Variants in KIAA1614 observed in about 807,000 individuals in gnomAD.
KIAA1614 encodes the protein KIAA1614.
A neutral mutation model predicts 88.7 loss-of-function variants in KIAA1614; 76 were observed. The observed-to-expected ratio is 0.86, with a 90% CI of 0.71 to 1.04. KIAA1614 has a LOEUF of 1.04. Ranked by LOEUF, KIAA1614 falls within the 50% of genes least tolerant of loss-of-function variation. The pLI is 0.00. For synonymous variants in KIAA1614, 714 were observed against 675.5 expected, an observed-to-expected ratio of 1.06 and a Z score of -0.88; for missense variants, 1,553 against 1,582.5, an observed-to-expected ratio of 0.98 and a Z score of 0.32.
rs77981586 is a variant in KIAA1614 at position 180,916,927 on chromosome 1, G to A, written c.824G>A (p.Arg275His). The A allele has an allele frequency of 8.8e-4, 1,413 of 1,614,216 alleles. 14 individuals are homozygous for A. The East Asian group carries it at 0.023, about 27-fold the overall frequency. ...FVPRTALLGERWRAGDLEALG... is the reference protein window; with the variant it reads ...FVPRTALLGEHWRAGDLEALG... ...CCCAGGACGGCCCTGCTGGGTGAGC[G>A]CTGGAGAGCTGGAGACCTGGAGGCT... Residue 275 changes from arginine (R) to histidine (H), a missense_variant, in exon 2 of 9, where the codon CGC becomes CAC. By Grantham distance (29) the Arg-to-His change is conservative (BLOSUM62 0). Transcript: ENST00000367588.
rs558964232 is a variant in KIAA1614, at chr1:180,930,283, G to A, written c.1205+1710G>A. On this transcript the variant is annotated intron_variant, in intron 4 of 8. Transcript: ENST00000367588. ...AGATACAAAAAATTAGCTGGGCGTGGTGGCGGGCACCTGTAGTCCCAGCTA... is the reference window on the plus strand; with the variant it reads ...AGATACAAAAAATTAGCTGGGCGTGATGGCGGGCACCTGTAGTCCCAGCTA... 4.2e-3 allele frequency among the ~76,000 whole-genome samples: 638 copies of A among 152,238 alleles called. 5 individuals carry two copies. Among genetic ancestry groups the A allele is most frequent in the African/African-American group, 0.013 (554 of 41,530 alleles).
intron 3 of KIAA1614, among the ~76,000 whole-genome samples, chr1:180,920,630 G>A (rs1007713950): frequency 4.6e-5 from 7 of 150,618 alleles, no homozygotes; most frequent in Non-Finnish European, 8.9e-5. Flanking sequence ...GTCCGTAATG[G>A]TTACTGCTCT....
Position 180,941,244 on chromosome 1 carries a change from A to G in KIAA1614, c.3118A>G (p.Thr1040Ala). The G allele has an allele frequency of 1.2e-6, 2 of 1,613,678 alleles. No individual in the cohort carries two copies. Among genetic ancestry groups the G allele is most frequent in the Non-Finnish European group, 8.5e-7 (1 of 1,179,958 alleles). ...GTTGCAGCCCGCCCCGCCTGGCCTGACGTCACAGTCCAGGGCCCCATCGTT... is the reference window on the plus strand; with the variant it reads ...GTTGCAGCCCGCCCCGCCTGGCCTGGCGTCACAGTCCAGGGCCCCATCGTT... ...EQLQPAPPGLTSQSRAPSLQS... is the reference protein window; with the variant it reads ...EQLQPAPPGLASQSRAPSLQS... Residue 1040 changes from threonine (T) to alanine (A), a missense_variant, in exon 7 of 9, where the codon ACG (threonine) becomes GCG (alanine). Transcript: ENST00000367588.
chr1:180,944,332 C>T, intron 7 of KIAA1614, 57 bp from the exon 8 acceptor site: 1 of 1,590,900 alleles, frequency 6.3e-7, no homozygotes, highest in Non-Finnish European at 8.6e-7. Context: ...GCCAAGTCCT[C>T]TGTCAGCACC....
rs1303704892 is a variant in KIAA1614, at chr1:180,935,045, T to G, written c.1206-70T>G. ...AGACTGTAGCCCAGGGTGGAGAGGGTAGGGCCGATGCGTGTCCATACCTCC... is the reference window on the plus strand; with the variant it reads ...AGACTGTAGCCCAGGGTGGAGAGGGGAGGGCCGATGCGTGTCCATACCTCC... On this transcript the variant is annotated intron_variant, in intron 4 of 8. Coordinates refer to ENST00000367588, the MANE Select transcript of KIAA1614 (RefSeq NM_020950.2). This position sits in a 1 kb window ranked among gnomAD's most constrained non-coding sequence, Gnocchi z 6.1. 9.0e-7 allele frequency: 1 copy of G among 1,116,530 alleles called. No individual in the cohort carries two copies. The highest frequency in any genetic ancestry group is 4.1e-5 in the Admixed American group (1 of 24,468). The allele number at this position is 1,116,530 out of a possible 1,614,324, so 69.2% of individuals were successfully genotyped here. A position where few individuals can be genotyped will look rare whatever the true frequency, so the allele number is the denominator to read the frequency against.
Position 180,936,016 on chromosome 1 carries a change from T to C in KIAA1614, c.2107T>C (p.Leu703=), listed in dbSNP as rs773342548. The C allele has an allele frequency of 1.2e-6, 2 of 1,614,010 alleles. No individual in the cohort carries two copies. Among genetic ancestry groups the C allele is most frequent in the Admixed American group, 3.3e-5 (2 of 60,026 alleles). ...ACACACGCCTGAAGGAACTCTATTT[T>C]TGAGAGAAGATGCCAAGCCTCCTGA... ...RGHTPEGTLF[L]REDAKPPDLE... is the part of the protein sequence containing the mutation. The change falls in exon 5 of 9, where the codon TTG becomes CTG. Residue 703 remains leucine, a synonymous_variant. Coordinates refer to ENST00000367588, the MANE Select transcript of KIAA1614 (RefSeq NM_020950.2).
At position 180,935,383 on chromosome 1, in the gene KIAA1614, C is replaced by G. The variant is rs1245501376; in HGVS notation, c.1474C>G (p.Pro492Ala). The change falls in exon 5 of 9, where the codon CCC becomes GCC. Residue 492 changes from proline to alanine, a missense_variant. Transcript: ENST00000367588. The surrounding 1 kb of genome is among the most constrained non-coding windows in gnomAD (Gnocchi z 6.1). ...AADQGPLRSK[P>A]DLADYINGAP... ...GGACCAGGGCCCCCTGCGCTCCAAG[C>G]CCGACCTCGCCGACTACATCAACGG... 2.6e-5 allele frequency: 38 copies of G among 1,468,166 alleles called. No homozygotes were observed. Among genetic ancestry groups the G allele is most frequent in the Non-Finnish European group, 3.3e-5 (37 of 1,116,274 alleles). The allele number at this position is 1,468,166 out of a possible 1,614,324, so 90.9% of individuals were successfully genotyped here. A position where few individuals can be genotyped will look rare whatever the true frequency, so the allele number is the denominator to read the frequency against.
At chr1:180,944,287 T>C (rs1454384292) in intron 7 of KIAA1614, 102 bp from the exon 8 acceptor site, 2 of 1,187,018 alleles carry the variant, frequency 1.7e-6, no homozygotes, top group Non-Finnish European at 2.4e-6. Flanking sequence ...GCTTGTGCTG[T>C]CACTTTCTTA....
chr1:180,950,659 T>C lies in KIAA1614; in HGVS notation c.*5071T>C. On this transcript the variant is annotated 3_prime_UTR_variant, in exon 9 of 9. Transcript: ENST00000367588. The stretch of plus-strand genomic sequence containing the variant: ...ACAGATCCTGGCAGCATCTAACCCC[T>C]TGGGCTGTGGCAGGGCTTCTGTGGT... 5.2e-6 allele frequency: 2 copies of C among 383,734 alleles called. No individual in the cohort carries two copies. The highest frequency in any genetic ancestry group is 7.2e-6 in the Non-Finnish European group (2 of 278,506). 23.8% of individuals were successfully genotyped at this position (383,734 alleles called of 1,614,324 possible). A position where few individuals can be genotyped will look rare whatever the true frequency, so the allele number is the denominator to read the frequency against.
chr1:180,930,729 C>T (rs1221172113), intron 4 of KIAA1614, among the ~76,000 whole-genome samples: 2 of 152,230 alleles, frequency 1.3e-5, no homozygotes, highest in Non-Finnish European at 2.9e-5. Context: ...TATAGAATTG[C>T]AAGGTGACCC....
rs142795189 is a variant in KIAA1614 at position 180,929,677 on chromosome 1, T to C, written c.1205+1104T>C. Among the ~76,000 whole-genome samples the C allele has an allele frequency of 3.4e-3, 515 of 152,310 alleles. 6 individuals are homozygous for C. The highest frequency in any genetic ancestry group is 9.8e-3 in the African/African-American group (407 of 41,564). ...GGTGCACTTTGAAGAATCACTTACA[T>C]GTGGACTTCACCACCACACAGAGCT... On this transcript the variant is annotated intron_variant, in intron 4 of 8. Transcript: ENST00000367588.
chr1:180,936,701 C>T (rs1338647681), intron 5 of KIAA1614, 31 bp downstream of exon 5: 1 of 1,418,026 alleles, frequency 7.1e-7, no homozygotes, highest in Non-Finnish European at 9.3e-7. Context: ...CCTGCCCAGC[C>T]CAGGCCTGGT....
rs114462604 is a variant in KIAA1614, at chr1:180,937,196, C to G, written c.2761+526C>G. ...GCATTGGCTGAGCACCTGTTATGTG[C>G]CAGGCACTATACTAGGCACTGTGGG... On this transcript the variant is annotated intron_variant, in intron 5 of 8. Coordinates refer to ENST00000367588, the MANE Select transcript of KIAA1614 (RefSeq NM_020950.2). Among the ~76,000 whole-genome samples, 473 of 152,374 alleles carry G rather than the reference C, an allele frequency of 3.1e-3. 2 individuals carry two copies. Among genetic ancestry groups the G allele is most frequent in the African/African-American group, 0.011 (459 of 41,580 alleles).
intron 4 of KIAA1614, among the ~76,000 whole-genome samples, chr1:180,932,544 G>A (rs1654221641): frequency 1.3e-5 from 2 of 152,076 alleles, no homozygotes; most frequent in Non-Finnish European, 2.9e-5. Context: ...TTGGCATAGC[G>A]GCTGTTGTGC....
At position 180,950,555 on chromosome 1, in the gene KIAA1614, A is replaced by G. The variant is rs1383598598; in HGVS notation, c.*4967A>G. On this transcript the variant is annotated 3_prime_UTR_variant, in exon 9 of 9. Transcript: ENST00000367588. Reference sequence around the variant, plus strand: ...GTGACCCAGAAGTGCCGCTGCCCTCACTGTCACGGCCTCGGAAGCCCTGAA... The same window carrying G: ...GTGACCCAGAAGTGCCGCTGCCCTCGCTGTCACGGCCTCGGAAGCCCTGAA... The G allele has an allele frequency of 1.9e-6, 2 of 1,080,468 alleles. No homozygotes were observed. Among genetic ancestry groups the G allele is most frequent in the Non-Finnish European group, 2.3e-6 (2 of 881,414 alleles). 66.9% of individuals were successfully genotyped at this position (1,080,468 alleles called of 1,614,324 possible).
rs199957599 is a variant in KIAA1614 at position 180,943,549 on chromosome 1, TC to T, written c.3160-839del. ...GATTGTAGGATTGAATGGTAGTAGA[TC>T]TTTTTTTTTTTTTTTTGAGACAGGG... On this transcript the variant is annotated intron_variant, in intron 7 of 8. Coordinates refer to ENST00000367588, the MANE Select transcript of KIAA1614 (RefSeq NM_020950.2). Among the ~76,000 whole-genome samples, 160 of 48,288 alleles carry T rather than the reference TC, an allele frequency of 3.3e-3. 28 individuals are homozygous for T. The highest frequency in any genetic ancestry group is 8.0e-3 in the African/African-American group (120 of 14,922). The allele number at this position is 48,288 out of a possible 152,430, so 31.7% of individuals were successfully genotyped here. A position where few individuals can be genotyped will look rare whatever the true frequency, so the allele number is the denominator to read the frequency against.
Position 180,941,026 on chromosome 1 carries a change from C to A in KIAA1614, c.2919-19C>A. On this transcript the variant is annotated intron_variant, in intron 6 of 8. Transcript: ENST00000367588. ...TCCCGGCCCTCCCCCGCCCCCTCAC[C>A]TCCACCCTTGTGTTTCAGAGCATCA... is the stretch of plus-strand genomic sequence containing the variant. 1 of 1,544,118 alleles carries A rather than the reference C, an allele frequency of 6.5e-7. No individual in the cohort carries two copies. Among genetic ancestry groups the A allele is most frequent in the Non-Finnish European group, 8.8e-7 (1 of 1,139,516 alleles).
At chr1:180,939,382 T>C (rs1205206107) in intron 6 of KIAA1614, among the ~76,000 whole-genome samples, 1 of 152,202 alleles carries the variant, frequency 6.6e-6, no homozygotes, top group Non-Finnish European at 1.5e-5. Flanking sequence ...GATGGGCCTC[T>C]CAAACAAAAA....
At position 180,948,182 on chromosome 1, in the gene KIAA1614, A is replaced by G. The variant is rs1349377112; in HGVS notation, c.*2594A>G. 1 of 152,262 alleles carries G rather than the reference A, an allele frequency of 6.6e-6. No homozygotes were observed. Among genetic ancestry groups the G allele is most frequent in the Non-Finnish European group, 1.5e-5 (1 of 68,056 alleles). 9.4% of individuals were successfully genotyped at this position (152,262 alleles called of 1,614,324 possible). A position where few individuals can be genotyped will look rare whatever the true frequency, so the allele number is the denominator to read the frequency against. ...CACACAGGGGTCCCCACGCACATGA[A>G]GCCTGGCGAGTGCTGGGGCCTCCGT... On this transcript the variant is annotated 3_prime_UTR_variant, in exon 9 of 9. Coordinates refer to ENST00000367588, the MANE Select transcript of KIAA1614 (RefSeq NM_020950.2).
Sources: allele counts gnomAD v4.1 joint callset (sites outside exome capture counted in the v4.1 genomes callset), GRCh38; gene constraint gnomAD v4.1.1; non-coding constraint Gnocchi (gnomAD v3.1); transcripts MANE v1.5; gene names NCBI Gene and HGNC (gene_info 2026-07-23, HGNC 2026-07-21).